The following MALRD1 variants were observed in gnomAD, a reference collection of about 807,000 sequenced individuals.
MALRD1 encodes the protein MAM and LDL-receptor class A domain-containing protein 1.
In MALRD1, 247 loss-of-function variants were observed where a neutral mutation model predicts 242.1. The observed-to-expected ratio is 1.02, with a 90% CI of 0.92 to 1.13. The LOEUF is 1.13. MALRD1 is among the 50% of genes most tolerant of loss of function. MALRD1 has a pLI of 0.00. For missense variants in MALRD1, 2,989 were observed against 2,533.1 expected (o/e 1.18, Z -3.86); for synonymous variants, 995 against 866.6 (o/e 1.15, Z -2.60).
intron 28 of MALRD1, among the ~76,000 whole-genome samples, chr10:19,415,119 G>A: frequency 6.6e-6 from 1 of 152,078 alleles, no homozygotes; most frequent in Non-Finnish European, 1.5e-5. Context: ...CATCTTTTTT[G>A]TTGTTGTTTA....
intron 26 of MALRD1, among the ~76,000 whole-genome samples, chr10:19,365,684 AAAAAC>A (rs1327498445): frequency 3.2e-4 from 32 of 99,158 alleles, no homozygotes; most frequent in Non-Finnish European, 4.7e-4. Context: ...AAAAAAAAAA[AAAAAC>A]AAGCTACTAT....
chr10:19,452,321 C>T (rs767078863), intron 29 of MALRD1, among the ~76,000 whole-genome samples: 2 of 152,086 alleles, frequency 1.3e-5, no homozygotes, highest in Non-Finnish European at 2.9e-5. Context: ...TAATAGAGTT[C>T]TGTGAGAGTT....
intron 18 of MALRD1, among the ~76,000 whole-genome samples, chr10:19,240,681 A>T (rs1000974256): frequency 2.6e-5 from 4 of 152,092 alleles, no homozygotes; most frequent in Non-Finnish European, 5.9e-5. Flanking sequence ...ATTCACCATA[A>T]ATAAGATGTT....
intron 31 of MALRD1, among the ~76,000 whole-genome samples, chr10:19,513,148 G>A (rs1833477431): frequency 6.6e-6 from 1 of 152,074 alleles, no homozygotes. Flanking sequence ...CCCAGTGTTG[G>A]AGATGGGACC....
chr10:19,532,553 T>A (rs1413434259), intron 32 of MALRD1, among the ~76,000 whole-genome samples: 1 of 152,102 alleles, frequency 6.6e-6, no homozygotes, highest in African/African-American at 2.4e-5. Context: ...CATGCCCCCC[T>A]TCTCAAAAAT....
chr10:19,457,265 A>C (rs997396705), intron 29 of MALRD1, among the ~76,000 whole-genome samples: 2 of 152,212 alleles, frequency 1.3e-5, no homozygotes, highest in African/African-American at 2.4e-5. Context: ...AGGTAAAAGC[A>C]GTCACACAGC....
chr10:19,312,385 T>C lies in MALRD1; in HGVS notation c.3420-11564T>C, dbSNP rs1245076732. Among the ~76,000 whole-genome samples the C allele has an allele frequency of 2.7e-5, 4 of 145,528 alleles. No individual in the cohort carries two copies. In the East Asian group the frequency reaches 8.0e-4, roughly 29 times the overall value. On this transcript the variant is annotated intron_variant, in intron 21 of 39. Transcript: ENST00000454679. ...CAGGGCACAGAGGAATGTGTATATA[T>C]ATATATATATATATATGTGTATATG...
At chr10:19,588,151 T>A (rs558396239) in intron 33 of MALRD1, among the ~76,000 whole-genome samples, 185 of 150,694 alleles carry the variant, frequency 1.2e-3, no homozygotes, top group South Asian at 9.0e-3. Context: ...TATTCGAAAA[T>A]TTTTTTTTAA....
intron 11 of MALRD1, among the ~76,000 whole-genome samples, chr10:19,151,711 T>A (rs1833951382): frequency 6.6e-6 from 1 of 152,108 alleles, no homozygotes; most frequent in South Asian, 2.1e-4. Context: ...AGAGTGTGCT[T>A]TTTAAAAAAA....
intron 19 of MALRD1, among the ~76,000 whole-genome samples, chr10:19,262,481 C>G (rs114742428): frequency 0.015 from 2,302 of 151,756 alleles, 62 homozygotes; most frequent in African/African-American, 0.053. Flanking sequence ...CATGGTGAAA[C>G]GTGGTCTATA....
At chr10:19,218,893 A>G (rs76198401) in intron 18 of MALRD1, among the ~76,000 whole-genome samples, 18 of 152,138 alleles carry the variant, frequency 1.2e-4, no homozygotes, top group Non-Finnish European at 5.9e-5. Context: ...GATCAGATTC[A>G]TTATATAGCA....
chr10:19,616,368 T>G (rs1839157487), intron 36 of MALRD1, among the ~76,000 whole-genome samples: 1 of 152,004 alleles, frequency 6.6e-6, no homozygotes, highest in South Asian at 2.1e-4. Context: ...CAGTGGGTAT[T>G]TATAAGTAAA....
chr10:19,327,655 C>T lies in MALRD1; in HGVS notation c.3669C>T (p.Gly1223=). 2.6e-6 allele frequency: 4 copies of T among 1,549,190 alleles called. No homozygotes were observed. The highest frequency in any genetic ancestry group is 1.7e-4 in the Middle Eastern group (1 of 5,984). The change falls in exon 23 of 40, where the codon GGC becomes GGT. Residue 1223 remains glycine, a synonymous_variant. Coordinates refer to ENST00000454679, the MANE Select transcript of MALRD1 (RefSeq NM_001142308.3). The part of the protein sequence containing the change: ...AQWKRAEVFL[G]IRSHTQIVFR... ...GGAAGAGAGCAGAAGTGTTTTTAGG[C>T]ATTCGTTCACATACACAGGTGTGTA...
At chr10:19,493,316 T>C (rs1837570762) in intron 30 of MALRD1, 1 of 152,136 alleles carries the variant, frequency 6.6e-6, no homozygotes, top group Non-Finnish European at 1.5e-5. Flanking sequence ...GTCTTCAAGG[T>C]TCGTTTCATA....
chr10:19,306,337 T>C (rs1334650084), intron 21 of MALRD1, among the ~76,000 whole-genome samples: 1 of 139,504 alleles, frequency 7.2e-6, no homozygotes, highest in Non-Finnish European at 1.5e-5. Context: ...TAGTGTCGTA[T>C]ATATACCATA....
chr10:19,657,919 G>A (rs947753824), intron 36 of MALRD1, among the ~76,000 whole-genome samples: 1 of 151,994 alleles, frequency 6.6e-6, no homozygotes, highest in African/African-American at 2.4e-5. Context: ...AGGCTGAGGC[G>A]GGTGGATCAC....
intron 36 of MALRD1, among the ~76,000 whole-genome samples, chr10:19,643,120 T>G (rs114206305): frequency 0.013 from 1,923 of 152,112 alleles, 46 homozygotes; most frequent in African/African-American, 0.044. Context: ...TGGTAATTAG[T>G]AGTAATGTGG....
intron 32 of MALRD1, among the ~76,000 whole-genome samples, chr10:19,539,852 T>TTTTTTG (rs1554795755): frequency 1.6e-5 from 1 of 64,330 alleles, no homozygotes; most frequent in African/African-American, 5.1e-5. Context: ...ACACCCAGCT[T>TTTTTTG]TGTGCGTGTG....
chr10:19,247,375 G>C lies in MALRD1; in HGVS notation c.2992-10309G>C, dbSNP rs115872103. ...ATGAAATATCTCTTAAATATTCAAGGATAACTTGGGTTGCAAGGGCTTCTG... is the reference window on the plus strand; with the variant it reads ...ATGAAATATCTCTTAAATATTCAAGCATAACTTGGGTTGCAAGGGCTTCTG... On this transcript the variant is annotated intron_variant, in intron 18 of 39. Transcript: ENST00000454679. Among the ~76,000 whole-genome samples the C allele has an allele frequency of 5.6e-3, 845 of 151,960 alleles. 11 individuals are homozygous for C. The highest frequency in any genetic ancestry group is 0.019 in the African/African-American group (789 of 41,444).
Sources: allele counts gnomAD v4.1 joint callset (sites outside exome capture counted in the v4.1 genomes callset), GRCh38; gene constraint gnomAD v4.1.1; transcripts MANE v1.5; gene names NCBI Gene and HGNC (gene_info 2026-07-23, HGNC 2026-07-21).